KLF8: variants seen among roughly 807,000 people sequenced by gnomAD.
KLF8 encodes Krueppel-like factor 8.
KLF8 carries 10 observed loss-of-function variants against 18.2 expected under a neutral mutation model. That is an observed-to-expected ratio of 0.55 (90% confidence interval 0.34 to 0.93). KLF8 has a LOEUF of 0.93. Among genes scored for constraint, KLF8 ranks in the 40% least tolerant of loss-of-function variants. The pLI is 0.02. For synonymous variants in KLF8, 109 were observed against 97.3 expected, an observed-to-expected ratio of 1.12 and a Z score of -0.71; for missense variants, 264 against 277.9, an observed-to-expected ratio of 0.95 and a Z score of 0.36.
chrX:56,212,126 G>A, the KLF8 span, among the ~76,000 whole-genome samples: 1 of 111,406 alleles, frequency 9.0e-6, no homozygotes, highest in African/African-American at 3.3e-5. Flanking sequence ...CTAGGGCCTG[G>A]AATGGGGGTG....
chrX:56,270,381 C>CACACACACACACACACGAGAGAGA (rs1355621837), intron 5 of KLF8, 60 bp downstream of exon 5: 1 of 579,629 alleles, frequency 1.7e-6, no homozygotes, highest in African/African-American at 6.4e-5. Flanking sequence ...CACACACACA[C>CACACACACACACACACGAGAGAGA]GAGAGAGAGA....
the KLF8 span, among the ~76,000 whole-genome samples, chrX:56,045,906 G>T: frequency 9.0e-6 from 1 of 111,518 alleles, no homozygotes; most frequent in South Asian, 3.7e-4. Flanking sequence ...GTGAAAGCAG[G>T]CATCGTTGTC....
chrX:56,070,719 T>G, the KLF8 span, among the ~76,000 whole-genome samples: 1 of 112,057 alleles, frequency 8.9e-6, no homozygotes, highest in Non-Finnish European at 1.9e-5. Flanking sequence ...CAAACCACCA[T>G]TGCTCATGTT....
the KLF8 span, among the ~76,000 whole-genome samples, chrX:56,202,559 T>TA: frequency 1.3e-5 from 1 of 75,806 alleles, no homozygotes; most frequent in African/African-American, 4.8e-5. Flanking sequence ...CCATTAACCT[T>TA]CCCCCCCCCT....
the KLF8 span, among the ~76,000 whole-genome samples, chrX:55,989,663 C>CT: frequency 1.8e-3 from 204 of 110,499 alleles, no homozygotes; most frequent in African/African-American, 6.4e-3. Context: ...CTAAAATTCT[C>CT]TTTTTTTTGT....
At chrX:56,029,996 C>A in the KLF8 span, among the ~76,000 whole-genome samples, 2 of 112,122 alleles carry the variant, frequency 1.8e-5, no homozygotes, top group Non-Finnish European at 3.8e-5. Flanking sequence ...TTGTAATTTC[C>A]TTTGGATATC....
the KLF8 span, among the ~76,000 whole-genome samples, chrX:56,078,920 T>G: frequency 9.0e-6 from 1 of 111,532 alleles, no homozygotes; most frequent in Admixed American, 9.5e-5. Flanking sequence ...ATTTTCTAGT[T>G]TATTTGCGTA....
At chrX:56,038,965 C>T in the KLF8 span, among the ~76,000 whole-genome samples, 1 of 112,280 alleles carries the variant, frequency 8.9e-6, no homozygotes, top group African/African-American at 3.2e-5. Flanking sequence ...TGATCAGTGA[C>T]GGTGAGCTTT....
chrX:56,259,294 A>G (rs2066850963), intron 2 of KLF8, among the ~76,000 whole-genome samples: 1 of 111,233 alleles, frequency 9.0e-6, no homozygotes, highest in African/African-American at 3.3e-5. Flanking sequence ...AAATAATGAC[A>G]TTGTCCTACA....
chrX:56,226,889 T>C, the KLF8 span, among the ~76,000 whole-genome samples: 3 of 112,216 alleles, frequency 2.7e-5, no homozygotes, highest in Admixed American at 9.5e-5. Flanking sequence ...GCTCCAACTA[T>C]ATTTGTGGTA....
chrX:55,960,659 A>G, the KLF8 span, among the ~76,000 whole-genome samples: 1 of 111,170 alleles, frequency 9.0e-6, no homozygotes, highest in Non-Finnish European at 1.9e-5. Context: ...GAAGGAGAAG[A>G]AGAAGAAGAA....
At chrX:55,947,334 G>T in the KLF8 span, among the ~76,000 whole-genome samples, 3 of 109,791 alleles carry the variant, frequency 2.7e-5, no homozygotes, top group African/African-American at 1.0e-4. Context: ...CATGTCCTTT[G>T]TAGGGACATG....
At chrX:55,937,227 G>T in the KLF8 span, among the ~76,000 whole-genome samples, 3 of 111,567 alleles carry the variant, frequency 2.7e-5, no homozygotes, top group African/African-American at 9.8e-5. Flanking sequence ...AATATCCGCT[G>T]TTCTGCAGCG....
At chrX:55,930,522 G>GT in the KLF8 span, among the ~76,000 whole-genome samples, 2 of 112,108 alleles carry the variant, frequency 1.8e-5, no homozygotes, top group Non-Finnish European at 3.8e-5. Flanking sequence ...CTGTGGGTTT[G>GT]TCAGAAATAG....
the KLF8 span, among the ~76,000 whole-genome samples, chrX:56,033,333 G>T: frequency 2.7e-5 from 3 of 111,423 alleles, no homozygotes; most frequent in Non-Finnish European, 5.7e-5. Context: ...TTTATCCACG[G>T]TGTCGCAAAT....
At chrX:56,179,211 C>T in the KLF8 span, among the ~76,000 whole-genome samples, 2 of 111,707 alleles carry the variant, frequency 1.8e-5, no homozygotes, top group Non-Finnish European at 1.9e-5. Flanking sequence ...TTTCACATCC[C>T]TTGTAATTTG....
At chrX:56,217,227 A>T in the KLF8 span, among the ~76,000 whole-genome samples, 1 of 111,187 alleles carries the variant, frequency 9.0e-6, no homozygotes, top group Non-Finnish European at 1.9e-5. Context: ...ATAGTGAGCC[A>T]CATCTTGGTA....
At chrX:56,088,039 G>A in the KLF8 span, among the ~76,000 whole-genome samples, 1 of 110,986 alleles carries the variant, frequency 9.0e-6, no homozygotes, top group African/African-American at 3.3e-5. Context: ...ATTCTCTGAA[G>A]ACTCTAATCC....
At chrX:56,177,944 T>C in the KLF8 span, among the ~76,000 whole-genome samples, 3 of 111,965 alleles carry the variant, frequency 2.7e-5, no homozygotes, top group African/African-American at 9.7e-5. Flanking sequence ...ACTAAGACTG[T>C]TGGAAAAGTG....
Sources: allele counts gnomAD v4.1 joint callset (sites outside exome capture counted in the v4.1 genomes callset), GRCh38; gene constraint gnomAD v4.1.1; transcripts MANE v1.5; gene names NCBI Gene and HGNC (gene_info 2026-07-23, HGNC 2026-07-21).